Variants in PGM3 observed in about 807,000 individuals in gnomAD.
PGM3 encodes phosphoglucomutase 3, also known as phosphoacetylglucosamine mutase.
PGM3 carries 40 observed loss-of-function variants against 66.2 expected under a neutral mutation model. The observed-to-expected ratio is 0.60, with a 90% CI of 0.47 to 0.79. The LOEUF (loss-of-function observed/expected upper bound fraction) is 0.79. Among genes scored for constraint, PGM3 ranks in the 30% least tolerant of loss-of-function variants. PGM3 has a pLI of 0.00. For synonymous variants in PGM3, 191 were observed against 224.2 expected, an observed-to-expected ratio of 0.85 and a Z score of 1.32; for missense variants, 537 against 643.4, an observed-to-expected ratio of 0.83 and a Z score of 1.79.
At chr6:83,157,152 G>C, downstream of PGM3, 1 of 1,602,806 alleles carries the variant, frequency 6.2e-7, no homozygotes, top group Non-Finnish European at 8.5e-7. Flanking sequence ...AGATTATTTA[G>C]TTATTGAAAA....
intron 5 of PGM3, 111 bp downstream of exon 5, chr6:83,182,734 A>C: frequency 1.0e-6 from 1 of 977,844 alleles, no homozygotes; most frequent in South Asian, 1.6e-5. Context: ...GGAGATATGC[A>C]GCATCTTTGG....
downstream of PGM3, among the ~76,000 whole-genome samples, chr6:83,160,230 T>C (rs1783912169): frequency 6.6e-6 from 1 of 152,174 alleles, no homozygotes; most frequent in South Asian, 2.1e-4. Flanking sequence ...GAAGGAGACA[T>C]ACTCATACTA....
intron 3 of PGM3, among the ~76,000 whole-genome samples, chr6:83,187,755 G>A (rs995982251): frequency 2.0e-5 from 3 of 152,152 alleles, no homozygotes; most frequent in African/African-American, 7.2e-5. Context: ...AATGAGCCAA[G>A]ACTGTGCCAC....
downstream of PGM3, chr6:83,164,677 T>C (rs1212565063): frequency 6.3e-7 from 1 of 1,585,026 alleles, no homozygotes. Context: ...AGGAGGACTT[T>C]AAGACAGTGA....
chr6:83,158,008 T>A (rs1388452300), downstream of PGM3, among the ~76,000 whole-genome samples: 2 of 152,098 alleles, frequency 1.3e-5, no homozygotes, highest in Non-Finnish European at 2.9e-5. Flanking sequence ...CCTTTTTTTT[T>A]TGTTTTTTGA....
chr6:83,177,759 T>G (rs551782133), intron 8 of PGM3, among the ~76,000 whole-genome samples: 1 of 152,290 alleles, frequency 6.6e-6, no homozygotes, highest in African/African-American at 2.4e-5. Context: ...TCCTGATACA[T>G]GACCACTCTT....
At chr6:83,172,517 G>C (rs1418300889) in intron 10 of PGM3, among the ~76,000 whole-genome samples, 1 of 152,132 alleles carries the variant, frequency 6.6e-6, no homozygotes, top group African/African-American at 2.4e-5. Context: ...AAATTAGCTA[G>C]GTGTGGTAGT....
At chr6:83,153,190 G>A in the PGM3 span, among the ~76,000 whole-genome samples, 1 of 151,956 alleles carries the variant, frequency 6.6e-6, no homozygotes, top group Non-Finnish European at 1.5e-5. Flanking sequence ...GCTGAGTCAG[G>A]GAAAAAGAAT....
chr6:83,185,417 T>TA (rs964902929), intron 4 of PGM3, among the ~76,000 whole-genome samples: 82 of 152,222 alleles, frequency 5.4e-4, no homozygotes, highest in Non-Finnish European at 7.3e-5. Flanking sequence ...GAAACAGAAA[T>TA]AGACTACTAG....
Position 83,170,770 on chromosome 6 carries a change from A to T in PGM3, c.1366-292T>A, listed in dbSNP as rs1007681212. ...GTCCCATATCACACACAAAAACAGG[A>T]TAAGTGGTAGCCCATTATATAAGAA... On this transcript the variant is annotated intron_variant, in intron 11 of 12. Coordinates refer to ENST00000513973, the MANE Select transcript of PGM3 (RefSeq NM_015599.3). The T allele has an allele frequency of 1.2e-5, 3 of 245,694 alleles. No homozygotes were observed. In the East Asian group the frequency reaches 2.4e-4, roughly 20 times the overall value. The allele number at this position is 245,694 out of a possible 1,614,324, so 15.2% of individuals were successfully genotyped here.
Position 83,179,894 on chromosome 6 carries a change from A to C in PGM3, c.861T>G (p.His287Gln), listed in dbSNP as rs771113662. ...GDADRIVYYYHDADGHFHLID... is the reference protein window; with the variant it reads ...GDADRIVYYYQDADGHFHLID... ...TGAGATGAAAGTGGCCATCTGCATC[A>C]TGGTAGTAATAAACAATTCTGTCTG... Residue 287 changes from histidine (H) to glutamine (Q), a missense_variant, in exon 7 of 13, where the codon CAT becomes CAG. His to Gln is a conservative substitution (Grantham distance 24). Coordinates refer to ENST00000513973, the MANE Select transcript of PGM3 (RefSeq NM_015599.3). 8.1e-6 allele frequency: 13 copies of C among 1,612,808 alleles called. No homozygotes were observed. The highest frequency in any genetic ancestry group is 1.1e-5 in the Non-Finnish European group (13 of 1,178,922).
intron 4 of PGM3, among the ~76,000 whole-genome samples, chr6:83,184,641 C>T (rs1042867897): frequency 4.6e-5 from 7 of 152,220 alleles, no homozygotes; most frequent in Admixed American, 1.3e-4. Context: ...GGAATGTGTT[C>T]TTCACAGTTC....
At chr6:83,175,491 A>T (rs138680794) in intron 9 of PGM3, among the ~76,000 whole-genome samples, 167 of 152,352 alleles carry the variant, frequency 1.1e-3, no homozygotes, top group African/African-American at 3.0e-3. Flanking sequence ...GAACATTATG[A>T]ATCTACAAAA....
chr6:83,161,468 G>T (rs1166333137), downstream of PGM3, among the ~76,000 whole-genome samples: 2 of 152,094 alleles, frequency 1.3e-5, no homozygotes, highest in Non-Finnish European at 2.9e-5. Context: ...AAGTTCGAAA[G>T]ATAGCAATGA....
intron 4 of PGM3, among the ~76,000 whole-genome samples, chr6:83,184,323 G>A (rs1788416331): frequency 6.6e-6 from 1 of 152,136 alleles, no homozygotes; most frequent in African/African-American, 2.4e-5. Flanking sequence ...CAGGCAAAAA[G>A]GAGTCACTTT....
downstream of PGM3, chr6:83,162,881 G>T: frequency 2.5e-6 from 4 of 1,613,164 alleles, no homozygotes; most frequent in Non-Finnish European, 3.4e-6. Context: ...TAAACCTTAC[G>T]TGGTACGACT....
At position 83,188,793 on chromosome 6, in the gene PGM3, G is replaced by A. The variant is rs1562430981; in HGVS notation, c.210C>T (p.Asp70=). 1.9e-6 allele frequency: 3 copies of A among 1,613,616 alleles called. No homozygotes were observed. Among genetic ancestry groups the A allele is most frequent in the South Asian group, 2.2e-5 (2 of 91,062 alleles). The change falls in exon 3 of 13, where the codon GAC becomes GAT. Residue 70 remains aspartate, a synonymous_variant. Coordinates refer to ENST00000513973, the MANE Select transcript of PGM3 (RefSeq NM_015599.3). ...MVTASHNPEE[D]NGVKLVDPLG... Reference sequence around the variant, plus strand: ...AAGGATCAACCAATTTTACACCATTGTCTTCCTTAAAAGAAAAACAAACAA... The same window carrying A: ...AAGGATCAACCAATTTTACACCATTATCTTCCTTAAAAGAAAAACAAACAA...
intron 4 of PGM3, among the ~76,000 whole-genome samples, chr6:83,186,584 G>A (rs991801472): frequency 3.9e-5 from 6 of 152,258 alleles, no homozygotes; most frequent in South Asian, 2.1e-4. Context: ...ATAACATAAA[G>A]AACTACCTGT....
At chr6:83,182,309 C>T (rs1788232480) in intron 5 of PGM3, among the ~76,000 whole-genome samples, 1 of 152,180 alleles carries the variant, frequency 6.6e-6, no homozygotes, top group Non-Finnish European at 1.5e-5. Context: ...GTGACATCAT[C>T]ATCAGGCAGA....
Sources: allele counts gnomAD v4.1 joint callset (sites outside exome capture counted in the v4.1 genomes callset), GRCh38; gene constraint gnomAD v4.1.1; transcripts MANE v1.5; gene names NCBI Gene and HGNC (gene_info 2026-07-23, HGNC 2026-07-21).